Variants in SS18L2 observed in about 807,000 individuals in gnomAD.
SS18L2 encodes SS18-like protein 2.
In SS18L2, 8 loss-of-function variants were observed where a neutral mutation model predicts 10.3. The ratio of observed to expected loss-of-function variants is 0.78; its 90% CI spans 0.46 to 1.41. The LOEUF (loss-of-function observed/expected upper bound fraction) is 1.41, where lower values mean the gene tolerates loss of function less well. Ranked by LOEUF, SS18L2 falls within the 40% of genes most tolerant of loss-of-function variation. The pLI is 0.00. For missense variants in SS18L2, 100 were observed against 96.2 expected (o/e 1.04, Z -0.17); for synonymous variants, 41 against 34.6 (o/e 1.19, Z -0.65).
intron 2 of SS18L2, among the ~76,000 whole-genome samples, chr3:42,592,730 C>T (rs549356274): frequency 5.9e-5 from 9 of 152,164 alleles, no homozygotes; most frequent in African/African-American, 2.2e-4. Flanking sequence ...AAAATGGTTG[C>T]AAAACATTCC....
At chr3:42,581,944 G>C (rs951154625) in exon 1 of SS18L2, 1 of 152,370 alleles carries the variant, frequency 6.6e-6, no homozygotes, top group Non-Finnish European at 1.5e-5. Context: ...CAGGTCACCG[G>C]CAGCCCAGGC....
At chr3:42,586,241 G>A (rs989306107), upstream of SS18L2, among the ~76,000 whole-genome samples, 3 of 151,928 alleles carry the variant, frequency 2.0e-5, no homozygotes, top group East Asian at 5.8e-4. Flanking sequence ...TGTTGTTGTT[G>A]TTGAGACAGA....
At chr3:42,590,834 A>G, upstream of SS18L2, 1 of 1,550,834 alleles carries the variant, frequency 6.4e-7, no homozygotes, top group Non-Finnish European at 8.9e-7. Flanking sequence ...CAACTTCGAG[A>G]GCGTAGGCCC....
chr3:42,590,885 G>T lies in SS18L2; in HGVS notation c.-13G>T. The T allele has an allele frequency of 6.2e-7, 1 of 1,613,556 alleles. No individual in the cohort carries two copies. The highest frequency in any genetic ancestry group is 8.5e-7 in the Non-Finnish European group (1 of 1,179,660). On this transcript the variant is annotated 5_prime_UTR_variant, in exon 1 of 3. Transcript: ENST00000011691. ...GAGTTGCTTGGCGGTCGTGGTTCCGGAGGTTCCTCGGGATGTCGGTGGCCT... is the reference window on the plus strand; with the variant it reads ...GAGTTGCTTGGCGGTCGTGGTTCCGTAGGTTCCTCGGGATGTCGGTGGCCT...
intron 2 of SS18L2, among the ~76,000 whole-genome samples, chr3:42,593,849 A>G (rs150763725): frequency 3.5e-4 from 53 of 152,328 alleles, no homozygotes; most frequent in Non-Finnish European, 7.1e-4. Flanking sequence ...GTAGTAAGGC[A>G]TAGTGAGATA....
chr3:42,591,141 C>T, intron 1 of SS18L2, 175 bp downstream of exon 1: 2 of 687,872 alleles, frequency 2.9e-6, no homozygotes, highest in Non-Finnish European at 5.0e-6. Context: ...GGGGCAGGAC[C>T]CCGGCATGGG....
Sources: allele counts gnomAD v4.1 joint callset (sites outside exome capture counted in the v4.1 genomes callset), GRCh38; gene constraint gnomAD v4.1.1; transcripts MANE v1.5; gene names NCBI Gene and HGNC (gene_info 2026-07-23, HGNC 2026-07-21).